Variants in PCDHGC3 observed in about 807,000 individuals in gnomAD.
PCDHGC3 encodes protocadherin gamma subfamily C, 3, also known as protocadherin gamma-C3.
Under a neutral mutation model 59.2 loss-of-function variants are expected in PCDHGC3, and 26 were observed. That is an observed-to-expected ratio of 0.44 (90% CI 0.32 to 0.61). The LOEUF is 0.61. Among genes scored for constraint, PCDHGC3 ranks in the 20% least tolerant of loss-of-function variants. The pLI, the probability that PCDHGC3 is intolerant of heterozygous loss-of-function variation, is 0.05. For missense variants in PCDHGC3, 1,080 were observed against 1,221.8 expected, an observed-to-expected ratio of 0.88 and a Z score of 1.73; for synonymous variants, 487 against 519.7, an observed-to-expected ratio of 0.94 and a Z score of 0.86.
intron 2 of PCDHGC3, among the ~76,000 whole-genome samples, chr5:141,501,719 T>C (rs1024307894): frequency 6.6e-6 from 1 of 152,028 alleles, no homozygotes; most frequent in African/African-American, 2.4e-5. Context: ...AAAAGACAAA[T>C]ATATTACCCA....
In PCDHGC3 at chr5:141,491,722, C is replaced by T. The variant is rs1276921909; in HGVS notation, c.2431-3085C>T. ...CCAGGTGAGGGGCTCGGCGCCGCCC[C>T]GGGCGACCCCTGGGGGCGGCACTGG... On this transcript the variant is annotated intron_variant, in intron 1 of 3. Coordinates refer to ENST00000308177, the MANE Select transcript of PCDHGC3 (RefSeq NM_002588.4). This position sits in a 1 kb window ranked among gnomAD's most constrained non-coding sequence, Gnocchi z 6.9. The T allele has an allele frequency of 6.2e-7, 1 of 1,607,004 alleles. No homozygotes were observed.
Position 141,511,178 on chromosome 5 carries a change from G to A in PCDHGC3, c.*5G>A. The A allele has an allele frequency of 6.2e-7, 1 of 1,614,090 alleles. No homozygotes were observed. Among genetic ancestry groups the A allele is most frequent in the South Asian group, 1.1e-5 (1 of 91,074 alleles). On this transcript the variant is annotated 3_prime_UTR_variant, in exon 4 of 4. Coordinates refer to ENST00000308177, the MANE Select transcript of PCDHGC3 (RefSeq NM_002588.4). ...GGCAAGAAGGAGAAGAAGTAACATG[G>A]AGGCCAGGCCAAGAGCCACAGGGCG...
At chr5:141,483,737 G>T (rs1052778197) in intron 1 of PCDHGC3, among the ~76,000 whole-genome samples, 1 of 152,102 alleles carries the variant, frequency 6.6e-6, no homozygotes, top group Admixed American at 6.5e-5. Flanking sequence ...TAGTCAAAAG[G>T]ATATTCCTGA....
In PCDHGC3 at chr5:141,476,101, A is replaced by G; in HGVS notation, c.-16A>G. The G allele has an allele frequency of 6.3e-7, 1 of 1,576,386 alleles. No individual in the cohort carries two copies. Among genetic ancestry groups the G allele is most frequent in the East Asian group, 2.2e-5 (1 of 44,540 alleles). On this transcript the variant is annotated 5_prime_UTR_variant, in exon 1 of 4. Coordinates refer to ENST00000308177, the MANE Select transcript of PCDHGC3 (RefSeq NM_002588.4). This position sits in a 1 kb window ranked among gnomAD's most constrained non-coding sequence, Gnocchi z 7.6. ...GACGATCTGGACCCCGCTGAGAGGA[A>G]CTGCTTTTGAGTGAGATGGTCCCAG... is the stretch of plus-strand genomic sequence containing the variant.
In PCDHGC3 at chr5:141,491,841, A is replaced by T. The variant is rs995010359; in HGVS notation, c.2431-2966A>T. The T allele has an allele frequency of 1.4e-6, 2 of 1,465,172 alleles. No homozygotes were observed. The highest frequency in any genetic ancestry group is 1.4e-5 in the African/African-American group (1 of 69,948). 90.8% of individuals were successfully genotyped at this position (1,465,172 alleles called of 1,614,324 possible). ...TGCGCTCCACCCGATTCTCGGGATC[A>T]TTGGACCGTTTGCGCGAAACCAGAG... is the stretch of plus-strand genomic sequence containing the variant. On this transcript the variant is annotated intron_variant, in intron 1 of 3. Transcript: ENST00000308177. The surrounding 1 kb of genome is among the most constrained non-coding windows in gnomAD (Gnocchi z 6.9).
In PCDHGC3 at chr5:141,476,653, C is replaced by T; in HGVS notation, c.537C>T (p.Tyr179=). The part of the protein sequence containing the change: ...LQTYELSRNE[Y]FALRVQTRED... ...CCTATGAGCTGAGCCGAAATGAATA[C>T]TTTGCGCTTCGCGTGCAGACGCGGG... is the stretch of plus-strand genomic sequence containing the variant. The change falls in exon 1 of 4, where the codon TAC becomes TAT. Residue 179 remains tyrosine, a synonymous_variant. Transcript: ENST00000308177. The surrounding 1 kb of genome is among the most constrained non-coding windows in gnomAD (Gnocchi z 7.6). 6.2e-7 allele frequency: 1 copy of T among 1,614,270 alleles called. No individual in the cohort carries two copies. The highest frequency in any genetic ancestry group is 8.5e-7 in the Non-Finnish European group (1 of 1,180,058).
chr5:141,487,919 A>G lies in PCDHGC3; in HGVS notation c.2431-6888A>G, dbSNP rs548678238. ...ATGGAATGTGGGAGCACAGGAGGCTACAGTGCACAGGGTACAGTGCACCAG... is the reference window on the plus strand; with the variant it reads ...ATGGAATGTGGGAGCACAGGAGGCTGCAGTGCACAGGGTACAGTGCACCAG... On this transcript the variant is annotated intron_variant, in intron 1 of 3. Transcript: ENST00000308177. The surrounding 1 kb of genome is among the most constrained non-coding windows in gnomAD (Gnocchi z 5.0). 23 of 644,878 alleles carry G rather than the reference A, an allele frequency of 3.6e-5. No individual in the cohort carries two copies. Among genetic ancestry groups the G allele is most frequent in the Non-Finnish European group, 5.6e-5 (21 of 374,374 alleles). 39.9% of individuals were successfully genotyped at this position (644,878 alleles called of 1,614,324 possible). A position where few individuals can be genotyped will look rare whatever the true frequency, so the allele number is the denominator to read the frequency against.
At chr5:141,494,250 G>C (rs908660385) in intron 1 of PCDHGC3, among the ~76,000 whole-genome samples, 3 of 152,182 alleles carry the variant, frequency 2.0e-5, no homozygotes, top group African/African-American at 7.2e-5. Flanking sequence ...TTTAGCTGTG[G>C]GAAGAGATTC....
chr5:141,476,476 C>A lies in PCDHGC3; in HGVS notation c.360C>A (p.Ser120Arg). The change falls in exon 1 of 4, where the codon AGC becomes AGA. Residue 120 changes from serine to arginine, a missense_variant. Coordinates refer to ENST00000308177, the MANE Select transcript of PCDHGC3 (RefSeq NM_002588.4). The surrounding 1 kb of genome is among the most constrained non-coding windows in gnomAD (Gnocchi z 7.6). ...LVVENPLELF[S>R]VEVVIQDIND... ...TGGAGAACCCGCTGGAGCTGTTCAG[C>A]GTGGAAGTGGTGATCCAGGACATCA... 6.2e-7 allele frequency: 1 copy of A among 1,613,986 alleles called. No individual in the cohort carries two copies. The highest frequency in any genetic ancestry group is 8.5e-7 in the Non-Finnish European group (1 of 1,179,992).
At chr5:141,484,899 T>G (rs1296997337) in intron 1 of PCDHGC3, 9 of 398,498 alleles carry the variant, frequency 2.3e-5, no homozygotes, top group Non-Finnish European at 3.1e-5. Flanking sequence ...TCCCCTCCAA[T>G]GCTGCGACGC....
At chr5:141,503,230 G>A (rs911238781) in intron 2 of PCDHGC3, among the ~76,000 whole-genome samples, 1 of 152,006 alleles carries the variant, frequency 6.6e-6, no homozygotes, top group African/African-American at 2.4e-5. Context: ...CCGTAAAGAT[G>A]GACAGTTTCT....
At position 141,490,328 on chromosome 5, in the gene PCDHGC3, C is replaced by T; in HGVS notation, c.2431-4479C>T. 2 of 1,614,228 alleles carry T rather than the reference C, an allele frequency of 1.2e-6. No homozygotes were observed. Among genetic ancestry groups the T allele is most frequent in the Non-Finnish European group, 1.7e-6 (2 of 1,180,048 alleles). Reference sequence around the variant, plus strand: ...TTGGCCAACCCTGTCCTAGAGAGCACACCAGTGGGCACAGTAGTGGGGTTG... The same window carrying T: ...TTGGCCAACCCTGTCCTAGAGAGCATACCAGTGGGCACAGTAGTGGGGTTG... On this transcript the variant is annotated intron_variant, in intron 1 of 3. Coordinates refer to ENST00000308177, the MANE Select transcript of PCDHGC3 (RefSeq NM_002588.4). The surrounding 1 kb of genome is among the most constrained non-coding windows in gnomAD (Gnocchi z 5.4).
Position 141,486,632 on chromosome 5 carries a change from A to G in PCDHGC3, c.2430+8086A>G, listed in dbSNP as rs1304397413. The G allele has an allele frequency of 6.2e-7, 1 of 1,613,580 alleles. No individual in the cohort carries two copies. Among genetic ancestry groups the G allele is most frequent in the Non-Finnish European group, 8.5e-7 (1 of 1,180,040 alleles). ...AGCCTCTGACCCAGACTCTGGCTTG[A>G]ATGCGCTTATCTCCTACTCACTCCT... On this transcript the variant is annotated intron_variant, in intron 1 of 3. Coordinates refer to ENST00000308177, the MANE Select transcript of PCDHGC3 (RefSeq NM_002588.4). This position sits in a 1 kb window ranked among gnomAD's most constrained non-coding sequence, Gnocchi z 5.0.
Position 141,489,398 on chromosome 5 carries a change from G to A in PCDHGC3, c.2431-5409G>A, listed in dbSNP as rs2099686644. On this transcript the variant is annotated intron_variant, in intron 1 of 3. Transcript: ENST00000308177. This position sits in a 1 kb window ranked among gnomAD's most constrained non-coding sequence, Gnocchi z 4.5. The stretch of plus-strand genomic sequence containing the variant: ...GTGGGGAATGTTGCTCAGGATCTGG[G>A]CTTAAAGATGACAGATCTGTTGAGC... 6.2e-7 allele frequency: 1 copy of A among 1,614,064 alleles called. No homozygotes were observed. The highest frequency in any genetic ancestry group is 1.3e-5 in the African/African-American group (1 of 74,910).
rs2099748179 is a variant in PCDHGC3 at position 141,493,421 on chromosome 5, T to G, written c.2431-1386T>G. Among the ~76,000 whole-genome samples the G allele has an allele frequency of 6.6e-6, 1 of 152,182 alleles. No individual in the cohort carries two copies. Among genetic ancestry groups the G allele is most frequent in the South Asian group, 2.1e-4 (1 of 4,830 alleles). On this transcript the variant is annotated intron_variant, in intron 1 of 3. Coordinates refer to ENST00000308177, the MANE Select transcript of PCDHGC3 (RefSeq NM_002588.4). The surrounding 1 kb of genome is among the most constrained non-coding windows in gnomAD (Gnocchi z 4.3). Reference sequence around the variant, plus strand: ...GGAGTTGCCTCTGCTGGGATTTTGCTTCTGCTGGGATGGGGCAAGGGTGGG... The same window carrying G: ...GGAGTTGCCTCTGCTGGGATTTTGCGTCTGCTGGGATGGGGCAAGGGTGGG...
At position 141,477,019 on chromosome 5, in the gene PCDHGC3, C is replaced by T. The variant is rs148675327; in HGVS notation, c.903C>T (p.Thr301=). 1.9e-5 allele frequency: 30 copies of T among 1,614,242 alleles called. No individual in the cohort carries two copies. Among genetic ancestry groups the T allele is most frequent in the Non-Finnish European group, 2.5e-5 (30 of 1,180,048 alleles). The change falls in exon 1 of 4, where the codon ACC becomes ACT. Residue 301 remains threonine (T), a synonymous_variant. Transcript: ENST00000308177. This position sits in a 1 kb window ranked among gnomAD's most constrained non-coding sequence, Gnocchi z 4.9. ...VRQLFALDLV[T]GMLTIKGRLD... ...AACTATTCGCCTTAGACCTTGTAAC[C>T]GGGATGCTGACAATCAAGGGTCGGC...
rs2099684984 is a variant in PCDHGC3 at position 141,489,278 on chromosome 5, G to A, written c.2431-5529G>A. ...ACACTCCCACAGCTCGCTGGGAAAT[G>A]GCAAGTGCTGTGCATGTTGTCCTTG... is the stretch of plus-strand genomic sequence containing the variant. On this transcript the variant is annotated intron_variant, in intron 1 of 3. Transcript: ENST00000308177. The surrounding 1 kb of genome is among the most constrained non-coding windows in gnomAD (Gnocchi z 4.5). The A allele has an allele frequency of 6.4e-7, 1 of 1,561,298 alleles. No homozygotes were observed. The highest frequency in any genetic ancestry group is 2.2e-5 in the East Asian group (1 of 44,520).
rs145288114 is a variant in PCDHGC3 at position 141,477,334 on chromosome 5, C to T, written c.1218C>T (p.Tyr406=). The change falls in exon 1 of 4, where the codon TAC becomes TAT. Residue 406 remains tyrosine, a synonymous_variant. Coordinates refer to ENST00000308177, the MANE Select transcript of PCDHGC3 (RefSeq NM_002588.4). This position sits in a 1 kb window ranked among gnomAD's most constrained non-coding sequence, Gnocchi z 4.9. ...PFSLTSSLKN[Y]FTLKTSADLD... ...GCCTTACTTCTTCCCTCAAGAATTA[C>T]TTCACTTTGAAAACCAGTGCAGACC... is the stretch of plus-strand genomic sequence containing the variant. 1.3e-4 allele frequency: 215 copies of T among 1,614,074 alleles called. No homozygotes were observed. Among genetic ancestry groups the T allele is most frequent in the Non-Finnish European group, 1.8e-4 (210 of 1,180,044 alleles).
Position 141,485,337 on chromosome 5 carries a change from A to G in PCDHGC3, c.2430+6791A>G, listed in dbSNP as rs147409155. On this transcript the variant is annotated intron_variant, in intron 1 of 3. Transcript: ENST00000308177. The surrounding 1 kb of genome is among the most constrained non-coding windows in gnomAD (Gnocchi z 5.7). ...AATGTCGCTCAAGATTTCCTGCTGG[A>G]TACGGACAGTCTGTCAGCTCGCAGG... 4.3e-5 allele frequency: 70 copies of G among 1,614,012 alleles called. No individual in the cohort carries two copies. Among genetic ancestry groups the G allele is most frequent in the Non-Finnish European group, 5.7e-5 (67 of 1,180,016 alleles).
Sources: gnomAD v4.1 joint callset for allele counts (sites outside exome capture counted in the v4.1 genomes callset) on GRCh38, gnomAD v4.1.1 for gene constraint, Gnocchi (gnomAD v3.1) non-coding constraint, MANE v1.5 for transcripts, NCBI Gene and HGNC (gene_info 2026-07-23, HGNC 2026-07-21) for gene names.